ABCA1: variants seen among roughly 807,000 people sequenced by gnomAD.
ABCA1 encodes the protein phospholipid-transporting ATPase ABCA1.
ABCA1 carries 133 observed loss-of-function variants against 262.5 expected under a neutral mutation model. The ratio of observed to expected loss-of-function variants is 0.51; its 90% CI spans 0.44 to 0.59. The LOEUF (loss-of-function observed/expected upper bound fraction) is 0.59. Among genes scored for constraint, ABCA1 ranks in the 20% least tolerant of loss-of-function variants. The pLI is 0.00. For synonymous variants in ABCA1, 1,022 were observed against 1,043.5 expected (o/e 0.98, Z 0.40); for missense variants, 2,452 against 2,777.5 (o/e 0.88, Z 2.63).
At chr9:104,913,576 A>G (rs1337609914) in intron 1 of ABCA1, among the ~76,000 whole-genome samples, 1 of 152,188 alleles carries the variant, frequency 6.6e-6, no homozygotes, top group African/African-American at 2.4e-5. Context: ...GGGCCTTTCC[A>G]GAGCAAACTG....
chr9:104,892,643 A>T (rs1057041809), intron 2 of ABCA1, among the ~76,000 whole-genome samples: 11 of 152,192 alleles, frequency 7.2e-5, no homozygotes, highest in African/African-American at 2.7e-4. Context: ...TAATGGCTTT[A>T]AAAATGTTTG....
intron 44 of ABCA1, among the ~76,000 whole-genome samples, chr9:104,789,610 A>G (rs1829232143): frequency 6.6e-6 from 1 of 152,218 alleles, no homozygotes; most frequent in Admixed American, 6.5e-5. Flanking sequence ...GACGCAGTAT[A>G]AGGTAGAATA....
chr9:104,887,448 T>C lies in ABCA1; in HGVS notation c.160+1654A>G, dbSNP rs572345207. 3.0e-3 allele frequency among the ~76,000 whole-genome samples: 445 copies of C among 146,722 alleles called. 2 individuals carry two copies. Among genetic ancestry groups the C allele is most frequent in the African/African-American group, 0.011 (424 of 38,154 alleles). On this transcript the variant is annotated intron_variant, in intron 3 of 49. Transcript: ENST00000374736. ...ACCTCGGTGAAGGGCAGAGGCAGGA[T>C]ACAAACAAACCCCAACTTGTCTGAT... is the stretch of plus-strand genomic sequence containing the variant.
Position 104,787,955 on chromosome 9 carries a change from T to C in ABCA1, c.6169A>G (p.Met2057Val). 1.9e-6 allele frequency: 3 copies of C among 1,614,220 alleles called. No individual in the cohort carries two copies. The highest frequency in any genetic ancestry group is 2.5e-6 in the Non-Finnish European group (3 of 1,180,040). The change falls in exon 46 of 50, where the codon ATG (methionine) becomes GTG (valine). Residue 2057 changes from methionine to valine, a missense_variant. By Grantham distance (21) the Met-to-Val change is conservative. Coordinates refer to ENST00000374736, the MANE Select transcript of ABCA1 (RefSeq NM_005502.4). ...GGNKRKLSTA[M>V]ALIGGPPVVF... ...ACAGGAGGCCCGCCGATCAAAGCCATGGCTGTAGAGAGCTTGCGTTTGTTG... is the reference window on the plus strand; with the variant it reads ...ACAGGAGGCCCGCCGATCAAAGCCACGGCTGTAGAGAGCTTGCGTTTGTTG...
chr9:104,861,676 T>C lies in ABCA1; in HGVS notation c.543+3A>G. The C allele has an allele frequency of 1.2e-6, 2 of 1,614,158 alleles. No homozygotes were observed. The highest frequency in any genetic ancestry group is 2.2e-5 in the South Asian group (2 of 91,084). On this transcript the variant is annotated splice_donor_region_variant and intron_variant, in intron 6 of 49. Coordinates refer to ENST00000374736, the MANE Select transcript of ABCA1 (RefSeq NM_005502.4). ...ACTGAGGAAGCTGGAGGCATCAGCT[T>C]ACCTTGTGGAGAATGACATCAGCCC...
chr9:104,838,783 T>C (rs1176398585), intron 9 of ABCA1, among the ~76,000 whole-genome samples: 1 of 152,062 alleles, frequency 6.6e-6, no homozygotes, highest in African/African-American at 2.4e-5. Context: ...AGATACCAAG[T>C]ATCTTCTATA....
chr9:104,913,549 TTC>T (rs1054359617), intron 1 of ABCA1, among the ~76,000 whole-genome samples: 3 of 152,210 alleles, frequency 2.0e-5, no homozygotes, highest in African/African-American at 7.2e-5. Flanking sequence ...CTTTTCTGTA[TTC>T]TTTGTCCACA....
intron 6 of ABCA1, 160 bp downstream of exon 6, chr9:104,861,519 C>T (rs1344851177): frequency 9.6e-7 from 1 of 1,039,764 alleles, no homozygotes; most frequent in Non-Finnish European, 1.5e-6. Context: ...TTTGGCAATT[C>T]CTGCCTGAAT....
rs568280586 is a variant in ABCA1 at position 104,791,983 on chromosome 9, G to A, written c.5773C>T (p.Arg1925Trp). Residue 1925 changes from arginine (R) to tryptophan (W), a missense_variant, in exon 43 of 50, where the codon CGG (arginine) becomes TGG (tryptophan). Physicochemically the swap from Arg to Trp is moderately radical, Grantham distance 101. This residue lies in a region of ABCA1 where 752 missense variants were observed against 944.5 expected (regional missense o/e 0.80). Coordinates refer to ENST00000374736, the MANE Select transcript of ABCA1 (RefSeq NM_005502.4). Reference sequence around the variant, plus strand: ...CAAATCCTGTCAACAGCAGGCTTCCGCTTCCTTCTATATATCTGCAACAAA... The same window carrying A: ...CAAATCCTGTCAACAGCAGGCTTCCACTTCCTTCTATATATCTGCAACAAA... ...KELTKIYRRK[R>W]KPAVDRICVG... 35 of 1,613,148 alleles carry A rather than the reference G, an allele frequency of 2.2e-5. No homozygotes were observed. The East Asian group carries it at 2.7e-4, about 12-fold the overall frequency.
intron 3 of ABCA1, among the ~76,000 whole-genome samples, chr9:104,888,807 T>C (rs1411709446): frequency 6.6e-6 from 1 of 152,254 alleles, no homozygotes; most frequent in Non-Finnish European, 1.5e-5. Flanking sequence ...TTAAATGTGC[T>C]TTTAATCACC....
At chr9:104,811,662 C>A (rs568050994) in intron 28 of ABCA1, among the ~76,000 whole-genome samples, 1 of 152,284 alleles carries the variant, frequency 6.6e-6, no homozygotes, top group South Asian at 2.1e-4. Flanking sequence ...TCAAATAATG[C>A]CCCCAATTCT....
At position 104,903,620 on chromosome 9, in the gene ABCA1, T is replaced by G; in HGVS notation, c.60A>C (p.Arg20Ser). 1 of 1,587,382 alleles carries G rather than the reference T, an allele frequency of 6.3e-7. No individual in the cohort carries two copies. The highest frequency in any genetic ancestry group is 8.6e-7 in the Non-Finnish European group (1 of 1,166,060). ...CTGAAAAACCCAAGCTTACTGTTTGTCTTCTTCTGAAAGTGAGGTTCTTCC... is the reference window on the plus strand; with the variant it reads ...CTGAAAAACCCAAGCTTACTGTTTGGCTTCTTCTGAAAGTGAGGTTCTTCC... Reference protein sequence around the residue: ...LLWKNLTFRRRQTCQLLLEVA... With the variant: ...LLWKNLTFRRSQTCQLLLEVA... The change falls in exon 2 of 50, where the codon AGA (arginine) becomes AGC (serine). Residue 20 changes from arginine (R) to serine (S), a missense_variant. By Grantham distance (110) the Arg-to-Ser change is moderately radical. Transcript: ENST00000374736.
In ABCA1 at chr9:104,831,772, T is replaced by C; in HGVS notation, c.1565A>G (p.Lys522Arg). 1 of 1,614,244 alleles carries C rather than the reference T, an allele frequency of 6.2e-7. No individual in the cohort carries two copies. The highest frequency in any genetic ancestry group is 8.5e-7 in the Non-Finnish European group (1 of 1,180,046). ...CCTCTCATCCAGCAGCTCCATGGAC[T>C]TGTTGATGAGCCAGACTTCTGTTGC... ...PIATEVWLIN[K>R]SMELLDERKF... The change falls in exon 13 of 50, where the codon AAG (lysine) becomes AGG (arginine). Residue 522 changes from lysine to arginine, a missense_variant. Physicochemically the swap from Lys to Arg is conservative, Grantham distance 26. This residue lies in a region of ABCA1 where 1,032 missense variants were observed against 1,089.7 expected (regional missense o/e 0.95). Coordinates refer to ENST00000374736, the MANE Select transcript of ABCA1 (RefSeq NM_005502.4).
chr9:104,866,849 G>A (rs1273748737), intron 5 of ABCA1, among the ~76,000 whole-genome samples: 1 of 152,142 alleles, frequency 6.6e-6, no homozygotes, highest in Non-Finnish European at 1.5e-5. Context: ...AGATCAAGCT[G>A]CAGTCACCCA....
At chr9:104,795,602 A>G (rs1354516617) in intron 39 of ABCA1, among the ~76,000 whole-genome samples, 4 of 152,208 alleles carry the variant, frequency 2.6e-5, no homozygotes, top group East Asian at 1.9e-4. Context: ...TGGGGTATCT[A>G]TATACTATCT....
rs777935188 is a variant in ABCA1 at position 104,837,512 on chromosome 9, A to G, written c.1110T>C (p.Ile370=). Residue 370 remains isoleucine (I), a synonymous_variant, in exon 10 of 50, where the codon ATT becomes ATC. Transcript: ENST00000374736. ...GCAGCGGCTTCAGAGCTTTCCAGAT[A>G]ATGCGGGAAAGAGGACTAGACTCCA... ...KNLESSPLSR[I]IWKALKPLLV... The G allele has an allele frequency of 6.2e-7, 1 of 1,614,136 alleles. No homozygotes were observed. Among genetic ancestry groups the G allele is most frequent in the South Asian group, 1.1e-5 (1 of 91,082 alleles).
chr9:104,794,126 C>T (rs766486996), intron 40 of ABCA1, among the ~76,000 whole-genome samples: 4 of 152,298 alleles, frequency 2.6e-5, no homozygotes, highest in Non-Finnish European at 4.4e-5. Flanking sequence ...CCAGTGGATC[C>T]AAGCAAATGC....
intron 2 of ABCA1, among the ~76,000 whole-genome samples, chr9:104,890,024 G>A (rs916151581): frequency 1.5e-4 from 23 of 152,144 alleles, no homozygotes; most frequent in African/African-American, 5.1e-4. Context: ...ATTAGCAGAC[G>A]GACAAGATGG....
chr9:104,855,269 T>G (rs1019610982), intron 7 of ABCA1: 35 of 520,258 alleles, frequency 6.7e-5, no homozygotes, highest in Non-Finnish European at 8.6e-5. Flanking sequence ...TGATCTCAGC[T>G]CACTGCAACT....
Sources: allele counts gnomAD v4.1 joint callset (sites outside exome capture counted in the v4.1 genomes callset), GRCh38; gene constraint gnomAD v4.1.1; regional missense constraint gnomAD v4.1.1; transcripts MANE v1.5; gene names NCBI Gene and HGNC (gene_info 2026-07-23, HGNC 2026-07-21).